The following KCNK17 variants were observed in gnomAD, a reference collection of about 807,000 sequenced individuals.
KCNK17 encodes potassium channel subfamily K member 17.
In KCNK17, 27 loss-of-function variants were observed where a neutral mutation model predicts 24.6. The ratio of observed to expected loss-of-function variants is 1.10; its 90% CI spans 0.81 to 1.51. KCNK17 has a LOEUF of 1.51. Ranked by LOEUF, KCNK17 falls within the 40% of genes most tolerant of loss-of-function variation. The pLI is 0.00. For synonymous variants in KCNK17, 181 were observed against 189.8 expected (o/e 0.95, Z 0.38); for missense variants, 450 against 436.6 (o/e 1.03, Z -0.27).
intron 2 of KCNK17, among the ~76,000 whole-genome samples, chr6:39,305,496 G>C (rs940339896): frequency 6.8e-6 from 1 of 146,134 alleles, no homozygotes; most frequent in Non-Finnish European, 1.5e-5. Flanking sequence ...GGTAGAAGTT[G>C]GGGGGGTGGT....
chr6:39,311,103 CACACACACACACACACAA>C (rs1762130100), intron 1 of KCNK17, 96 bp from the exon 2 acceptor site: 1 of 480,748 alleles, frequency 2.1e-6, no homozygotes, highest in Non-Finnish European at 3.6e-6. Context: ...CACACACACA[CACACACACACACACACAA>C]ACAAACCTAC....
Position 39,314,392 on chromosome 6 carries a change from C to G in KCNK17, c.-72G>C, listed in dbSNP as rs1762231051. 2.7e-6 allele frequency: 3 copies of G among 1,096,760 alleles called. No individual in the cohort carries two copies. The highest frequency in any genetic ancestry group is 3.7e-6 in the Non-Finnish European group (3 of 812,006). 67.9% of individuals were successfully genotyped at this position (1,096,760 alleles called of 1,614,324 possible). The stretch of plus-strand genomic sequence containing the variant: ...CGGTGGGAGGGAAGGGCCAGGCGTC[C>G]AGCTCGTATCTCCTCTCGCAAACGC... On this transcript the variant is annotated 5_prime_UTR_variant, in exon 1 of 5. Coordinates refer to ENST00000373231, the MANE Select transcript of KCNK17 (RefSeq NM_031460.4).
rs146312685 is a variant in KCNK17 at position 39,299,411 on chromosome 6, A to G, written c.*16T>C. On this transcript the variant is annotated 3_prime_UTR_variant, in exon 5 of 5. Coordinates refer to ENST00000373231, the MANE Select transcript of KCNK17 (RefSeq NM_031460.4). Reference sequence around the variant, plus strand: ...GGTCTTGCTACCGAGGACGACGACCAAAGAATGGAGTATAACTAGCTGTCC... The same window carrying G: ...GGTCTTGCTACCGAGGACGACGACCGAAGAATGGAGTATAACTAGCTGTCC... 6.3e-7 allele frequency: 1 copy of G among 1,596,942 alleles called. No homozygotes were observed. The highest frequency in any genetic ancestry group is 1.3e-5 in the African/African-American group (1 of 74,478).
chr6:39,301,711 C>T lies in KCNK17; in HGVS notation c.689-1974G>A, dbSNP rs575003525. Among the ~76,000 whole-genome samples the T allele has an allele frequency of 7.8e-4, 119 of 152,334 alleles. 2 individuals are homozygous for T. Among genetic ancestry groups the T allele is most frequent in the Non-Finnish European group, 4.1e-4 (28 of 68,028 alleles). On this transcript the variant is annotated intron_variant, in intron 4 of 4. Transcript: ENST00000373231. ...CTGAGCTGCAAATGCAATTGGGAGG[C>T]GCCAGGCTATGGGGCTGGGGAGGAG...
intron 4 of KCNK17, among the ~76,000 whole-genome samples, chr6:39,303,092 A>G (rs1320874169): frequency 6.6e-6 from 1 of 152,226 alleles, no homozygotes; most frequent in Non-Finnish European, 1.5e-5. Flanking sequence ...CCTCCTCAGT[A>G]AAATGGGGGT....
chr6:39,304,125 C>T lies in KCNK17; in HGVS notation c.520G>A (p.Asp174Asn). The T allele has an allele frequency of 6.2e-7, 1 of 1,607,788 alleles. No individual in the cohort carries two copies. Among genetic ancestry groups the T allele is most frequent in the Non-Finnish European group, 8.5e-7 (1 of 1,179,852 alleles). ...GAGCCCGCCAGCCACCGCGCCTTGT[C>T]AGGATCCTGTGGGTGCAACATTGTC... ...SRLGGTWQDP[D>N]KARWLAGSGA... Residue 174 changes from aspartate (D) to asparagine (N), a missense_variant, in exon 4 of 5, where the codon GAC (aspartate) becomes AAC (asparagine). Physicochemically the swap from Asp to Asn is conservative, Grantham distance 23. Transcript: ENST00000373231.
At chr6:39,301,718 C>T (rs1306605596) in intron 4 of KCNK17, among the ~76,000 whole-genome samples, 1 of 152,216 alleles carries the variant, frequency 6.6e-6, no homozygotes, top group African/African-American at 2.4e-5. Context: ...AGGCGCCAGG[C>T]TATGGGGCTG....
In KCNK17 at chr6:39,299,175, C is replaced by A; in HGVS notation, c.*252G>T. Reference sequence around the variant, plus strand: ...TATGGCTGCCAGAGCTCCCAGCCATCATATCGGCGGCATTGCAGCCCGCTA... The same window carrying A: ...TATGGCTGCCAGAGCTCCCAGCCATAATATCGGCGGCATTGCAGCCCGCTA... On this transcript the variant is annotated 3_prime_UTR_variant, in exon 5 of 5. Coordinates refer to ENST00000373231, the MANE Select transcript of KCNK17 (RefSeq NM_031460.4). 2.0e-6 allele frequency: 1 copy of A among 494,754 alleles called. No individual in the cohort carries two copies. The highest frequency in any genetic ancestry group is 3.6e-6 in the Non-Finnish European group (1 of 277,848). The allele number at this position is 494,754 out of a possible 1,614,324, so 30.6% of individuals were successfully genotyped here.
In KCNK17 at chr6:39,304,569, C is replaced by T; in HGVS notation, c.439G>A (p.Val147Met). 1 of 1,614,122 alleles carries T rather than the reference C, an allele frequency of 6.2e-7. No homozygotes were observed. The highest frequency in any genetic ancestry group is 8.5e-7 in the Non-Finnish European group (1 of 1,179,990). The change falls in exon 3 of 5, where the codon GTG becomes ATG. Residue 147 changes from valine to methionine, a missense_variant. Val to Met is a conservative substitution (Grantham distance 21). Transcript: ENST00000373231. ...ALVGIPLNLV[V>M]LNRLGHLMQQ... ...ATGAGATGCCCCAGTCGGTTGAGCA[C>T]CACGAGGTTGAGTGGGATCCCCACA...
chr6:39,301,109 C>T (rs1396624887), intron 4 of KCNK17, among the ~76,000 whole-genome samples: 1 of 152,174 alleles, frequency 6.6e-6, no homozygotes, highest in Non-Finnish European at 1.5e-5. Flanking sequence ...CCATCGGACA[C>T]CCCCAACGAA....
In KCNK17 at chr6:39,299,356, G is replaced by T; in HGVS notation, c.*71C>A. On this transcript the variant is annotated 3_prime_UTR_variant, in exon 5 of 5. Transcript: ENST00000373231. ...GGATGGAAAATGTAGTCTTTAGTTT[G>T]GGTGGACATGTGCAAAGCTTAAAAT... 1 of 1,181,426 alleles carries T rather than the reference G, an allele frequency of 8.5e-7. No homozygotes were observed. Among genetic ancestry groups the T allele is most frequent in the Non-Finnish European group, 1.2e-6 (1 of 828,380 alleles). The allele number at this position is 1,181,426 out of a possible 1,614,324, so 73.2% of individuals were successfully genotyped here.
At chr6:39,304,762 C>T in intron 2 of KCNK17, 107 bp from the exon 3 acceptor site, 1 of 1,245,650 alleles carries the variant, frequency 8.0e-7, no homozygotes, top group Admixed American at 1.9e-5. Flanking sequence ...TTCTAACCCA[C>T]TGTAGATGTG....
At chr6:39,308,312 G>A (rs1762070079) in intron 2 of KCNK17, among the ~76,000 whole-genome samples, 1 of 152,124 alleles carries the variant, frequency 6.6e-6, no homozygotes. Flanking sequence ...ATCTTTTGAG[G>A]CAGAGTCTTG....
intron 2 of KCNK17, among the ~76,000 whole-genome samples, chr6:39,306,828 G>C (rs1368069765): frequency 2.7e-5 from 4 of 149,748 alleles, no homozygotes; most frequent in Non-Finnish European, 5.9e-5. Flanking sequence ...GCAGTGGCGC[G>C]ATCTCGGCTC....
intron 2 of KCNK17, among the ~76,000 whole-genome samples, chr6:39,305,828 T>G (rs540455990): frequency 1.3e-5 from 2 of 152,312 alleles, no homozygotes; most frequent in East Asian, 3.9e-4. Context: ...TCTGCACCTT[T>G]GACCACAATG....
chr6:39,312,231 GGGA>G lies in KCNK17; in HGVS notation c.238-1227_238-1225del, dbSNP rs1380577776. On this transcript the variant is annotated intron_variant, in intron 1 of 4. Transcript: ENST00000373231. The stretch of plus-strand genomic sequence containing the variant: ...TTAGGACAGGTGGAGAAGCAGGGCT[GGGA>G]GGAGGAGGACCACTTGCTCTTGGCC... Among the ~76,000 whole-genome samples the G allele has an allele frequency of 3.3e-5, 5 of 152,314 alleles. No individual in the cohort carries two copies. The East Asian group carries it at 9.6e-4, about 29-fold the overall frequency.
chr6:39,306,938 A>G (rs1280255532), intron 2 of KCNK17, among the ~76,000 whole-genome samples: 1 of 151,548 alleles, frequency 6.6e-6, no homozygotes, highest in Non-Finnish European at 1.5e-5. Context: ...CTAATTTTGC[A>G]TTTTTAGTAA....
Position 39,304,063 on chromosome 6 carries a change from C to T in KCNK17, c.582G>A (p.Leu194=). The change falls in exon 4 of 5, where the codon CTG becomes CTA. Residue 194 remains leucine, a synonymous_variant. Transcript: ENST00000373231. ...ALLSGLLLFL[L]LPPLLFSHME... ...TGTGGGAGAAGAGCAGCGGTGGCAGCAGCAGGAAGAGCAGGAGGCCCGAGA... is the reference window on the plus strand; with the variant it reads ...TGTGGGAGAAGAGCAGCGGTGGCAGTAGCAGGAAGAGCAGGAGGCCCGAGA... The T allele has an allele frequency of 1.2e-6, 2 of 1,613,482 alleles. No individual in the cohort carries two copies. Among genetic ancestry groups the T allele is most frequent in the South Asian group, 1.1e-5 (1 of 91,074 alleles).
chr6:39,307,492 T>C (rs1223838829), intron 2 of KCNK17, among the ~76,000 whole-genome samples: 2 of 152,196 alleles, frequency 1.3e-5, no homozygotes, highest in African/African-American at 4.8e-5. Context: ...CTGTAGGTCC[T>C]GCCAAGTTCC....
Sources: allele counts gnomAD v4.1 joint callset (sites outside exome capture counted in the v4.1 genomes callset), GRCh38; gene constraint gnomAD v4.1.1; transcripts MANE v1.5; gene names NCBI Gene and HGNC (gene_info 2026-07-23, HGNC 2026-07-21).